The following MAP2K5 variants were observed in gnomAD, a reference collection of about 807,000 sequenced individuals.
MAP2K5 encodes the protein dual specificity mitogen-activated protein kinase kinase 5.
In MAP2K5, 49 loss-of-function variants were observed where a neutral mutation model predicts 83.1. The observed-to-expected ratio is 0.59, with a 90% CI of 0.47 to 0.75. The LOEUF (loss-of-function observed/expected upper bound fraction) is 0.75. MAP2K5 is among the 30% of genes least tolerant of loss of function. The pLI, the probability that MAP2K5 is intolerant of heterozygous loss-of-function variation, is 0.00. For synonymous variants in MAP2K5, 202 were observed against 191.8 expected, an observed-to-expected ratio of 1.05 and a Z score of -0.44; for missense variants, 457 against 557.5, an observed-to-expected ratio of 0.82 and a Z score of 1.82.
chr15:67,630,748 AT>A, intron 8 of MAP2K5, 139 bp from the exon 9 acceptor site: 1 of 653,138 alleles, frequency 1.5e-6, no homozygotes, highest in Non-Finnish European at 2.7e-6. Flanking sequence ...ATAAATGTAA[AT>A]TACTAATGTT....
chr15:67,692,556 T>G lies in MAP2K5; in HGVS notation c.921+4T>G. On this transcript the variant is annotated splice_donor_region_variant and intron_variant, in intron 14 of 21. Coordinates refer to ENST00000178640, the MANE Select transcript of MAP2K5 (RefSeq NM_145160.3). ...TGATTTTGGAGTTAGCACTCAGGTATGTCTCTTTTCCTCCCAGTGTACTGT... is the reference window on the plus strand; with the variant it reads ...TGATTTTGGAGTTAGCACTCAGGTAGGTCTCTTTTCCTCCCAGTGTACTGT... The G allele has an allele frequency of 6.2e-7, 1 of 1,609,156 alleles. No individual in the cohort carries two copies. The highest frequency in any genetic ancestry group is 8.5e-7 in the Non-Finnish European group (1 of 1,175,668).
rs555529019 is a variant in MAP2K5 at position 67,724,171 on chromosome 15, A to T, written c.1045-3745A>T. On this transcript the variant is annotated intron_variant, in intron 16 of 21. Coordinates refer to ENST00000178640, the MANE Select transcript of MAP2K5 (RefSeq NM_145160.3). The surrounding 1 kb of genome is among the most constrained non-coding windows in gnomAD (Gnocchi z 4.4). ...TGCAGGCCATTTCAGAGAAGATTAC[A>T]TACTCTCTTTTGTAAGTTTCCTAAT... is the stretch of plus-strand genomic sequence containing the variant. Among the ~76,000 whole-genome samples, 1 of 152,226 alleles carries T rather than the reference A, an allele frequency of 6.6e-6. No individual in the cohort carries two copies. The highest frequency in any genetic ancestry group is 1.9e-4 in the East Asian group (1 of 5,206).
intron 9 of MAP2K5, among the ~76,000 whole-genome samples, chr15:67,645,214 A>G (rs1166862016): frequency 5.3e-5 from 8 of 151,526 alleles, no homozygotes; most frequent in Non-Finnish European, 1.5e-5. Context: ...GTGATGGCTC[A>G]TGCCTGTAAT....
In MAP2K5 at chr15:67,777,004, A is replaced by T. The variant is rs2090251945; in HGVS notation, c.1242+4252A>T. On this transcript the variant is annotated intron_variant, in intron 21 of 21. Transcript: ENST00000178640. The surrounding 1 kb of genome is among the most constrained non-coding windows in gnomAD (Gnocchi z 6.0). ...TATGCATGTGGAGATGTTTCTTTTCATCCAAAAACAGGAATTCATGACTGC... is the reference window on the plus strand; with the variant it reads ...TATGCATGTGGAGATGTTTCTTTTCTTCCAAAAACAGGAATTCATGACTGC... 6.6e-6 allele frequency among the ~76,000 whole-genome samples: 1 copy of T among 152,222 alleles called. No homozygotes were observed. The highest frequency in any genetic ancestry group is 6.5e-5 in the Admixed American group (1 of 15,284).
chr15:67,596,499 A>C (rs916897892), intron 7 of MAP2K5, among the ~76,000 whole-genome samples: 4 of 152,218 alleles, frequency 2.6e-5, no homozygotes, highest in African/African-American at 9.7e-5. Flanking sequence ...AAAATTTAAA[A>C]AGTTTAAAAA....
At chr15:67,697,437 C>A (rs1472704480) in intron 15 of MAP2K5, among the ~76,000 whole-genome samples, 1 of 152,220 alleles carries the variant, frequency 6.6e-6, no homozygotes, top group East Asian at 1.9e-4. Flanking sequence ...AAGTGTCAAT[C>A]AGAACTCAAA....
At chr15:67,650,579 G>A (rs2086929901) in intron 11 of MAP2K5, among the ~76,000 whole-genome samples, 1 of 147,700 alleles carries the variant, frequency 6.8e-6, no homozygotes, top group Admixed American at 6.8e-5. Context: ...TATATCTATT[G>A]AAATAATCGT....
rs552698961 is a variant in MAP2K5, at chr15:67,677,822, G to T, written c.847+13177G>T. ...GAGAAGCTCAGGCCTTTTTGCCCTTGTTATTAATCTTGTAAGTGTCCCAGG... is the reference window on the plus strand; with the variant it reads ...GAGAAGCTCAGGCCTTTTTGCCCTTTTTATTAATCTTGTAAGTGTCCCAGG... On this transcript the variant is annotated intron_variant, in intron 13 of 21. Transcript: ENST00000178640. The surrounding 1 kb of genome is among the most constrained non-coding windows in gnomAD (Gnocchi z 4.2). Among the ~76,000 whole-genome samples the T allele has an allele frequency of 2.0e-5, 3 of 152,206 alleles. No homozygotes were observed. The highest frequency in any genetic ancestry group is 2.0e-4 in the Admixed American group (3 of 15,282).
rs111582492 is a variant in MAP2K5 at position 67,657,967 on chromosome 15, C to T, written c.737-586C>T. Among the ~76,000 whole-genome samples the T allele has an allele frequency of 3.3e-3, 505 of 151,982 alleles. 3 individuals are homozygous for T. The highest frequency in any genetic ancestry group is 0.012 in the African/African-American group (482 of 41,462). On this transcript the variant is annotated intron_variant, in intron 11 of 21. Coordinates refer to ENST00000178640, the MANE Select transcript of MAP2K5 (RefSeq NM_145160.3). ...TAAAGCATTAAATAAGAATTTTTAG[C>T]CTCTGATAGGAAAAAATATTTGTCA...
At chr15:67,621,905 C>T (rs1053269139) in intron 8 of MAP2K5, among the ~76,000 whole-genome samples, 5 of 151,988 alleles carry the variant, frequency 3.3e-5, no homozygotes, top group African/African-American at 9.7e-5. Context: ...AGAAAGTGGC[C>T]GGGTGCGGTG....
chr15:67,674,741 C>G (rs2141173100), intron 13 of MAP2K5, among the ~76,000 whole-genome samples: 1 of 152,142 alleles, frequency 6.6e-6, no homozygotes, highest in South Asian at 2.1e-4. Flanking sequence ...ATAAAGAACT[C>G]TCAAAACTCA....
Position 67,552,009 on chromosome 15 carries a change from G to A in MAP2K5, c.184+1927G>A, listed in dbSNP as rs2084519768. Among the ~76,000 whole-genome samples the A allele has an allele frequency of 6.6e-6, 1 of 151,640 alleles. No homozygotes were observed. Among genetic ancestry groups the A allele is most frequent in the African/African-American group, 2.4e-5 (1 of 41,192 alleles). ...TATTGAAAGATAGGATCTGAAGAGT[G>A]CCTACTACAGTACTTTCCAGTGACT... On this transcript the variant is annotated intron_variant, in intron 2 of 21. Coordinates refer to ENST00000178640, the MANE Select transcript of MAP2K5 (RefSeq NM_145160.3). The surrounding 1 kb of genome is among the most constrained non-coding windows in gnomAD (Gnocchi z 4.2).
chr15:67,640,635 C>T lies in MAP2K5; in HGVS notation c.586-5596C>T, dbSNP rs1234943810. 4.1e-6 allele frequency: 4 copies of T among 976,028 alleles called. No individual in the cohort carries two copies. Among genetic ancestry groups the T allele is most frequent in the Non-Finnish European group, 4.9e-6 (4 of 821,518 alleles). 60.5% of individuals were successfully genotyped at this position (976,028 alleles called of 1,614,324 possible). A position where few individuals can be genotyped will look rare whatever the true frequency, so the allele number is the denominator to read the frequency against. Reference sequence around the variant, plus strand: ...TTCCAAGCAAAGTGGTCAGTTGGACCCACACTTTGAATGTCTATGGGCACA... The same window carrying T: ...TTCCAAGCAAAGTGGTCAGTTGGACTCACACTTTGAATGTCTATGGGCACA... On this transcript the variant is annotated intron_variant, in intron 9 of 21. Transcript: ENST00000178640. The surrounding 1 kb of genome is among the most constrained non-coding windows in gnomAD (Gnocchi z 4.6).
intron 19 of MAP2K5, among the ~76,000 whole-genome samples, chr15:67,762,707 C>G (rs2089972717): frequency 6.6e-6 from 1 of 152,108 alleles, no homozygotes; most frequent in Non-Finnish European, 1.5e-5. Flanking sequence ...GAAAAAAAAT[C>G]TCTATAATCT....
chr15:67,551,519 G>A (rs544374550), intron 2 of MAP2K5, among the ~76,000 whole-genome samples: 18 of 152,200 alleles, frequency 1.2e-4, no homozygotes, highest in East Asian at 7.7e-4. Context: ...TTTATGTGGA[G>A]ATGGGGTCTT....
intron 6 of MAP2K5, chr15:67,588,001 C>T (rs530445014): frequency 1.6e-6 from 1 of 613,938 alleles, no homozygotes; most frequent in Admixed American, 6.3e-5. Context: ...CGTTCTTGGC[C>T]CATTCAGCCC....
At chr15:67,616,039 T>G (rs1258380841) in intron 8 of MAP2K5, among the ~76,000 whole-genome samples, 1 of 152,246 alleles carries the variant, frequency 6.6e-6, no homozygotes, top group African/African-American at 2.4e-5. Flanking sequence ...TTCTACCATC[T>G]TCTTTCTTTT....
chr15:67,558,684 A>T lies in MAP2K5; in HGVS notation c.185-4599A>T, dbSNP rs140333956. On this transcript the variant is annotated intron_variant, in intron 2 of 21. Transcript: ENST00000178640. ...CCAAACCTCTCATTCTGTTCTAGCC[A>T]CTCTGGCTTCCTTTCGGTCTGTCAA... is the stretch of plus-strand genomic sequence containing the variant. Among the ~76,000 whole-genome samples the T allele has an allele frequency of 1.9e-3, 294 of 152,000 alleles. 1 individual carries two copies. The highest frequency in any genetic ancestry group is 3.3e-3 in the Non-Finnish European group (226 of 67,960).
At position 67,565,596 on chromosome 15, in the gene MAP2K5, A is replaced by G. The variant is rs926710793; in HGVS notation, c.252+2246A>G. On this transcript the variant is annotated intron_variant, in intron 3 of 21. Coordinates refer to ENST00000178640, the MANE Select transcript of MAP2K5 (RefSeq NM_145160.3). This position sits in a 1 kb window ranked among gnomAD's most constrained non-coding sequence, Gnocchi z 4.1. ...ATACCTTAGTTGTGATTTCTGCACC[A>G]TGTATTCCTTACAGCATATGCTTAT... Among the ~76,000 whole-genome samples the G allele has an allele frequency of 1.3e-5, 2 of 152,134 alleles. No individual in the cohort carries two copies. Among genetic ancestry groups the G allele is most frequent in the Admixed American group, 6.5e-5 (1 of 15,274 alleles).
Sources: gnomAD v4.1 joint callset for allele counts (sites outside exome capture counted in the v4.1 genomes callset) on GRCh38, gnomAD v4.1.1 for gene constraint, Gnocchi (gnomAD v3.1) non-coding constraint, MANE v1.5 for transcripts, NCBI Gene and HGNC (gene_info 2026-07-23, HGNC 2026-07-21) for gene names.